Variants in PCSK7 observed in about 807,000 individuals in gnomAD.
PCSK7 encodes the protein lymphoma proprotein convertase.
Under a neutral mutation model 73.3 loss-of-function variants are expected in PCSK7, and 38 were observed. That is an observed-to-expected ratio of 0.52 (90% CI 0.40 to 0.68). PCSK7 has a LOEUF of 0.68. Among genes scored for constraint, PCSK7 ranks in the 30% least tolerant of loss-of-function variants. The pLI is 0.00. For synonymous variants in PCSK7, 296 were observed against 383.8 expected (o/e 0.77, Z 2.68); for missense variants, 692 against 991.5 (o/e 0.70, Z 4.06).
chr11:117,213,923 T>C (rs910293661), intron 12 of PCSK7: 1 of 151,882 alleles, frequency 6.6e-6, no homozygotes, highest in African/African-American at 2.4e-5. Context: ...AGGGTTCTAT[T>C]TGCCCATAAT....
At chr11:117,215,197 C>T (rs188345744) in intron 12 of PCSK7, 1 of 145,462 alleles carries the variant, frequency 6.9e-6, no homozygotes, top group East Asian at 2.0e-4. Context: ...GTCATACTAG[C>T]CTTATTATTA....
chr11:117,211,650 A>G (rs1816014904), intron 12 of PCSK7: 1 of 152,288 alleles, frequency 6.6e-6, no homozygotes, highest in South Asian at 2.1e-4. Context: ...GCAAAAGTCA[A>G]ACAATGGCTC....
rs756817038 is a variant in PCSK7, at chr11:117,229,758, G to C, written c.87C>G (p.Phe29Leu). The C allele has an allele frequency of 1.9e-6, 3 of 1,613,706 alleles. No individual in the cohort carries two copies. The highest frequency in any genetic ancestry group is 2.5e-6 in the Non-Finnish European group (3 of 1,179,734). ...TCLWLELAGL[F>L]LLVPWVMGLA... ...GGCCCATGACCCAGGGAACCAGTAA[G>C]AAGAGCCCGGCTAATTCCAGCCAGA... The change falls in exon 3 of 17, where the codon TTC (phenylalanine) becomes TTG (leucine). Residue 29 changes from phenylalanine to leucine, a missense_variant. Phe to Leu is a conservative substitution (Grantham distance 22). Around this residue, in one of 6 missense-constraint regions of PCSK7, gnomAD observed 574 missense variants for 689.8 expected, o/e 0.83. Transcript: ENST00000320934.
In PCSK7 at chr11:117,206,223, C is replaced by T. The variant is rs473093; in HGVS notation, c.2132G>A (p.Arg711Gln). The change falls in exon 17 of 17, where the codon CGG (arginine) becomes CAG (glutamine). Residue 711 changes from arginine (R) to glutamine (Q), a missense_variant. Arg to Gln is a conservative substitution (Grantham distance 43). This residue lies in a region of PCSK7 where 78 missense variants were observed against 102.6 expected (regional missense o/e 0.76). Coordinates refer to ENST00000320934, the MANE Select transcript of PCSK7 (RefSeq NM_004716.4). ...SGPCHWPHRS[R>Q]KAKEEGTELE... ...CTCTGTCCCTTCCTCCTTGGCTTTC[C>T]GGCTCCGATGGGGCCAGTGGCAGGG... 2.5e-4 allele frequency: 397 copies of T among 1,613,532 alleles called. 2 individuals are homozygous for T. Among genetic ancestry groups the T allele is most frequent in the African/African-American group, 1.6e-3 (123 of 74,942 alleles).
At chr11:117,226,643 AT>A (rs2032440691) in intron 5 of PCSK7, 1 of 157,596 alleles carries the variant, frequency 6.3e-6, no homozygotes, top group Non-Finnish European at 1.4e-5. Flanking sequence ...TATAAGAGGA[AT>A]AGTCTGTTCA....
chr11:117,217,707 T>C (rs1175909672), intron 12 of PCSK7: 1 of 152,164 alleles, frequency 6.6e-6, no homozygotes, highest in Non-Finnish European at 1.5e-5. Flanking sequence ...GCACTAAGCA[T>C]AGCATACTTC....
chr11:117,229,202 C>T (rs1157352193), intron 3 of PCSK7, among the ~76,000 whole-genome samples, 175 bp downstream of exon 3: 8 of 152,176 alleles, frequency 5.3e-5, no homozygotes, highest in African/African-American at 1.4e-4. Flanking sequence ...TGTAGAACAC[C>T]GGCCTCTAGA....
At chr11:117,226,811 A>G (rs2032447849) in intron 5 of PCSK7, 1 of 207,144 alleles carries the variant, frequency 4.8e-6, no homozygotes, top group Non-Finnish European at 9.5e-6. Context: ...AAGGATGGAG[A>G]GCAGCCCGTG....
Position 117,218,494 on chromosome 11 carries a change from G to A in PCSK7, c.1506C>T (p.Ser502=), listed in dbSNP as rs757447332. 1.9e-6 allele frequency: 3 copies of A among 1,607,680 alleles called. No individual in the cohort carries two copies. The highest frequency in any genetic ancestry group is 2.5e-6 in the Non-Finnish European group (3 of 1,176,484). ...VLKENKAIPQ[S]PRSLEVLWNV... ...TCCACAGGACCTCCAGGGAACGGGG[G>A]GACTGCGGAATCGCCTTGTTTTCTT... The change falls in exon 12 of 17, where the codon TCC becomes TCT. Residue 502 remains serine, a synonymous_variant. Transcript: ENST00000320934. This position sits in a 1 kb window ranked among gnomAD's most constrained non-coding sequence, Gnocchi z 4.0.
At chr11:117,227,653 G>A (rs1273681769) in intron 4 of PCSK7, among the ~76,000 whole-genome samples, 10 of 152,162 alleles carry the variant, frequency 6.6e-5, no homozygotes, top group African/African-American at 2.4e-5. Context: ...ATCTTGGCCA[G>A]GCTGGTCTCA....
Position 117,204,539 on chromosome 11 carries a change from C to T in PCSK7, c.*1458G>A, listed in dbSNP as rs1221254325. ...TCCTCCCTGTGCCCCCAGCCTCAGCCCAACTTCTTACCCGAAAGCATCACT... is the reference window on the plus strand; with the variant it reads ...TCCTCCCTGTGCCCCCAGCCTCAGCTCAACTTCTTACCCGAAAGCATCACT... On this transcript the variant is annotated 3_prime_UTR_variant, in exon 17 of 17. Transcript: ENST00000320934. 8.5e-6 allele frequency: 8 copies of T among 936,082 alleles called. No homozygotes were observed. The Admixed American group carries it at 1.6e-4, about 19-fold the overall frequency. The allele number at this position is 936,082 out of a possible 1,614,324, so 58.0% of individuals were successfully genotyped here.
intron 2 of PCSK7, 143 bp from the exon 3 acceptor site, chr11:117,229,999 C>T: frequency 1.7e-6 from 1 of 597,226 alleles, no homozygotes. Flanking sequence ...TTGATCTTCT[C>T]TTTTTGTTCA....
chr11:117,219,992 T>C, intron 9 of PCSK7: 2 of 373,238 alleles, frequency 5.4e-6, no homozygotes, highest in Non-Finnish European at 9.5e-6. Flanking sequence ...TTCAAAGTTG[T>C]TATGGGGGAA....
chr11:117,224,952 T>C (rs887602442), intron 6 of PCSK7, 197 bp from the exon 7 acceptor site: 6 of 586,166 alleles, frequency 1.0e-5, no homozygotes, highest in African/African-American at 7.5e-5. Flanking sequence ...AACAGAAGTG[T>C]GCTAAGGCTC....
Position 117,204,343 on chromosome 11 carries a change from G to C in PCSK7, c.*1654C>G, listed in dbSNP as rs199737213. 63 of 1,614,218 alleles carry C rather than the reference G, an allele frequency of 3.9e-5. No individual in the cohort carries two copies. The Middle Eastern group carries it at 2.5e-3, about 63-fold the overall frequency. ...GGCATGACAGGCTACGGACGACCTC[G>C]GCAGATCATCAGTTAGAGCGGAGAG... On this transcript the variant is annotated 3_prime_UTR_variant, in exon 17 of 17. Coordinates refer to ENST00000320934, the MANE Select transcript of PCSK7 (RefSeq NM_004716.4).
intron 12 of PCSK7, chr11:117,210,124 T>C (rs1166205010): frequency 6.6e-6 from 1 of 152,238 alleles, no homozygotes; most frequent in African/African-American, 2.4e-5. Flanking sequence ...GTGTATCTGG[T>C]GAACTCCAAA....
chr11:117,219,439 C>T (rs2032109389), intron 10 of PCSK7, 152 bp downstream of exon 10: 1 of 769,398 alleles, frequency 1.3e-6, no homozygotes, highest in Non-Finnish European at 2.1e-6. Context: ...TTGTGGGGTC[C>T]CCACACCTGT....
At chr11:117,231,583 G>A (rs780192903) in intron 1 of PCSK7, among the ~76,000 whole-genome samples, 3 of 152,204 alleles carry the variant, frequency 2.0e-5, no homozygotes, top group Non-Finnish European at 4.4e-5. Flanking sequence ...TGGCAAAGCA[G>A]CATTTTTATC....
intron 12 of PCSK7, 146 bp from the exon 13 acceptor site, chr11:117,209,199 A>G (rs1241878718): frequency 1.7e-6 from 1 of 584,432 alleles, no homozygotes; most frequent in African/African-American, 2.0e-5. Context: ...ATACTAGTAA[A>G]TGGAATGGAG....
Sources: allele counts gnomAD v4.1 joint callset (sites outside exome capture counted in the v4.1 genomes callset), GRCh38; gene constraint gnomAD v4.1.1; regional missense constraint gnomAD v4.1.1; non-coding constraint Gnocchi (gnomAD v3.1); transcripts MANE v1.5; gene names NCBI Gene and HGNC (gene_info 2026-07-23, HGNC 2026-07-21).